SH3RF2: variants seen among roughly 807,000 people sequenced by gnomAD.
The protein encoded by SH3RF2 is E3 ubiquitin-protein ligase SH3RF2.
A neutral mutation model predicts 59.0 loss-of-function variants in SH3RF2; 43 were observed. The observed-to-expected ratio is 0.73, with a 90% CI of 0.57 to 0.94. SH3RF2 has a LOEUF of 0.94. SH3RF2 is among the 40% of genes least tolerant of loss of function. The pLI is 0.00. For missense variants in SH3RF2, 930 were observed against 940.1 expected, an observed-to-expected ratio of 0.99 and a Z score of 0.14; for synonymous variants, 391 against 391.5, an observed-to-expected ratio of 1.00 and a Z score of 0.01.
chr5:145,975,178 C>T (rs1021961856), intron 2 of SH3RF2, among the ~76,000 whole-genome samples: 5 of 152,186 alleles, frequency 3.3e-5, no homozygotes, highest in African/African-American at 7.2e-5. Context: ...TTTCATGGCT[C>T]GTTTGCAATG....
chr5:146,045,276 T>C (rs1762264003), intron 5 of SH3RF2, among the ~76,000 whole-genome samples: 2 of 152,240 alleles, frequency 1.3e-5, no homozygotes, highest in Non-Finnish European at 2.9e-5. Context: ...TGCTAAGAGT[T>C]CCTCAGGAGG....
intron 2 of SH3RF2, among the ~76,000 whole-genome samples, chr5:145,941,227 A>G (rs923297535): frequency 1.3e-5 from 2 of 152,226 alleles, no homozygotes; most frequent in Non-Finnish European, 2.9e-5. Context: ...AAACAAGCTC[A>G]TCAAGCTCTT....
chr5:146,055,575 T>A (rs1198484617), intron 7 of SH3RF2, among the ~76,000 whole-genome samples: 1 of 152,214 alleles, frequency 6.6e-6, no homozygotes, highest in Non-Finnish European at 1.5e-5. Flanking sequence ...GACTTTGGAA[T>A]TTGTGAAAAA....
At chr5:146,040,762 T>A (rs1265237570) in intron 5 of SH3RF2, among the ~76,000 whole-genome samples, 4 of 152,184 alleles carry the variant, frequency 2.6e-5, no homozygotes, top group Non-Finnish European at 5.9e-5. Context: ...GGCTGCTCCT[T>A]GCTCATCAAG....
At chr5:146,064,831 A>G (rs1210032128), downstream of SH3RF2, among the ~76,000 whole-genome samples, 17 of 13,924 alleles carry the variant, frequency 1.2e-3, no homozygotes, top group Non-Finnish European at 4.0e-3. Flanking sequence ...AAAGAAAGAA[A>G]GAAAGAAAGA....
chr5:145,962,910 T>C (rs1489607555), intron 2 of SH3RF2, among the ~76,000 whole-genome samples: 4 of 146,880 alleles, frequency 2.7e-5, no homozygotes, highest in Non-Finnish European at 6.0e-5. Flanking sequence ...TTTTTTTTTT[T>C]TTTTAGAGAC....
intron 2 of SH3RF2, among the ~76,000 whole-genome samples, chr5:145,991,312 G>T (rs1759924219): frequency 6.6e-6 from 1 of 152,126 alleles, no homozygotes; most frequent in South Asian, 2.1e-4. Context: ...TACTTCATAG[G>T]GTTTTGAGAG....
chr5:146,057,412 G>T (rs1268425954), intron 8 of SH3RF2, among the ~76,000 whole-genome samples: 1 of 152,076 alleles, frequency 6.6e-6, no homozygotes, highest in Non-Finnish European at 1.5e-5. Context: ...TTGGGAAAAT[G>T]ACTAATTTCT....
intron 9 of SH3RF2, among the ~76,000 whole-genome samples, chr5:146,071,179 C>T (rs527606581): frequency 3.3e-5 from 5 of 152,292 alleles, no homozygotes; most frequent in African/African-American, 9.6e-5. Flanking sequence ...ACAGAGGCAG[C>T]TAAAACAGGC....
intron 2 of SH3RF2, among the ~76,000 whole-genome samples, chr5:145,940,984 A>T (rs1293817684): frequency 1.3e-5 from 2 of 152,188 alleles, no homozygotes; most frequent in African/African-American, 2.4e-5. Context: ...GGAGAGTGTA[A>T]TAGGTATTAT....
At chr5:145,988,897 C>G (rs1202847481) in intron 2 of SH3RF2, among the ~76,000 whole-genome samples, 1 of 152,156 alleles carries the variant, frequency 6.6e-6, no homozygotes, top group Non-Finnish European at 1.5e-5. Flanking sequence ...CCAGCCCTTT[C>G]TAATATTTAC....
chr5:145,986,291 C>A (rs1390285918), intron 2 of SH3RF2, among the ~76,000 whole-genome samples: 1 of 152,138 alleles, frequency 6.6e-6, no homozygotes, highest in Non-Finnish European at 1.5e-5. Flanking sequence ...GTAGAGCAAC[C>A]AGAGCTTTGC....
At chr5:146,012,991 C>T (rs1444845762) in intron 4 of SH3RF2, among the ~76,000 whole-genome samples, 1 of 151,676 alleles carries the variant, frequency 6.6e-6, no homozygotes, top group East Asian at 1.9e-4. Flanking sequence ...TTTTTGACAG[C>T]TGATTTACCA....
At chr5:146,041,866 G>A (rs1762138493) in intron 5 of SH3RF2, among the ~76,000 whole-genome samples, 1 of 152,200 alleles carries the variant, frequency 6.6e-6, no homozygotes, top group African/African-American at 2.4e-5. Flanking sequence ...GGGAGGTTGA[G>A]GCTGCAGTGA....
At position 145,937,850 on chromosome 5, in the gene SH3RF2, C is replaced by T; in HGVS notation, c.-79C>T. 6.6e-7 allele frequency: 1 copy of T among 1,509,768 alleles called. No homozygotes were observed. The highest frequency in any genetic ancestry group is 2.3e-5 in the East Asian group (1 of 44,208). The allele number at this position is 1,509,768 out of a possible 1,614,324, so 93.5% of individuals were successfully genotyped here. A position where few individuals can be genotyped will look rare whatever the true frequency, so the allele number is the denominator to read the frequency against. ...AAAAATTCTGACGTTCTCAAGAGAC[C>T]AGCTCTGCCCCCGTGGCTCAACTGA... is the stretch of plus-strand genomic sequence containing the variant. On this transcript the variant is annotated 5_prime_UTR_variant, in exon 2 of 10. It introduces an in-frame stop codon into an upstream open reading frame of the 5' UTR. Coordinates refer to ENST00000359120, the MANE Select transcript of SH3RF2 (RefSeq NM_152550.4).
At chr5:146,062,261 A>C (rs531916121) in intron 9 of SH3RF2, among the ~76,000 whole-genome samples, 165 bp from the exon 10 acceptor site, 1 of 152,124 alleles carries the variant, frequency 6.6e-6, no homozygotes, top group Admixed American at 6.5e-5. Context: ...GCTCCTCTGC[A>C]TTCTCAGCAT....
At chr5:146,000,397 T>C in intron 3 of SH3RF2, 70 bp downstream of exon 3, 1 of 1,385,278 alleles carries the variant, frequency 7.2e-7, no homozygotes, top group Non-Finnish European at 9.5e-7. Flanking sequence ...GAGTTCCTTG[T>C]TTAATATTTG....
At chr5:145,963,519 G>C (rs573900235) in intron 2 of SH3RF2, among the ~76,000 whole-genome samples, 61 of 152,180 alleles carry the variant, frequency 4.0e-4, no homozygotes, top group African/African-American at 1.4e-3. Flanking sequence ...ATTAGGATTA[G>C]CTGAGTGAGG....
At chr5:145,960,417 A>T (rs1295018198) in intron 2 of SH3RF2, among the ~76,000 whole-genome samples, 1 of 152,236 alleles carries the variant, frequency 6.6e-6, no homozygotes, top group Non-Finnish European at 1.5e-5. Context: ...GGCCTAGAAA[A>T]GAAGGAAAGT....
Sources: gnomAD v4.1 joint callset for allele counts (sites outside exome capture counted in the v4.1 genomes callset) on GRCh38, gnomAD v4.1.1 for gene constraint, MANE v1.5 for transcripts, NCBI Gene and HGNC (gene_info 2026-07-23, HGNC 2026-07-21) for gene names.